The following OR56A3 variants were observed in gnomAD, a reference collection of about 807,000 sequenced individuals.
The protein encoded by OR56A3 is olfactory receptor 56A3.
OR56A3 carries 23 observed loss-of-function variants against 17.5 expected under a neutral mutation model. That is an observed-to-expected ratio of 1.32 (90% CI 0.95 to 1.87). The LOEUF (loss-of-function observed/expected upper bound fraction) is 1.87. OR56A3 is among the 40% of genes most tolerant of loss of function. OR56A3 has a pLI of 0.00. For synonymous variants in OR56A3, 175 were observed against 150.6 expected (o/e 1.16, Z -1.19); for missense variants, 366 against 380.1 (o/e 0.96, Z 0.31).
At chr11:6,019,434 T>C in the OR56A3 span, 1 of 152,166 alleles carries the variant, frequency 6.6e-6, no homozygotes, top group African/African-American at 2.4e-5. Context: ...TAAAGACTTA[T>C]CTGAAACTGG....
At chr11:5,957,296 T>A in the OR56A3 span, among the ~76,000 whole-genome samples, 129 of 152,368 alleles carry the variant, frequency 8.5e-4, no homozygotes, top group African/African-American at 2.9e-3. Context: ...CTTATACTGC[T>A]GCCACATTGT....
the OR56A3 span, among the ~76,000 whole-genome samples, chr11:6,003,715 G>C: frequency 6.6e-6 from 1 of 152,046 alleles, no homozygotes; most frequent in Non-Finnish European, 1.5e-5. Context: ...TTTTTTCCTT[G>C]TCAGTGTTAT....
chr11:5,986,971 G>T, the OR56A3 span: 1 of 1,582,072 alleles, frequency 6.3e-7, no homozygotes, highest in South Asian at 1.2e-5. Context: ...TGTCCAAATG[G>T]GGCAACCATC....
At chr11:5,987,091 C>T in the OR56A3 span, 1 of 656,022 alleles carries the variant, frequency 1.5e-6, no homozygotes, top group South Asian at 2.0e-5. Context: ...GAGACATCCA[C>T]ATGTCTGAAT....
At chr11:5,986,555 A>T in the OR56A3 span, 3 of 1,613,780 alleles carry the variant, frequency 1.9e-6, no homozygotes, top group Non-Finnish European at 2.5e-6. Flanking sequence ...TCCATGGAGG[A>T]GAATGCATGG....
At chr11:6,002,790 A>T in the OR56A3 span, 1 of 1,613,728 alleles carries the variant, frequency 6.2e-7, no homozygotes, top group Non-Finnish European at 8.5e-7. Flanking sequence ...CAGGGAGAGG[A>T]GGCTGAGCAG....
chr11:5,955,605 A>G (rs1233945334), downstream of OR56A3, among the ~76,000 whole-genome samples: 1 of 152,148 alleles, frequency 6.6e-6, no homozygotes, highest in Non-Finnish European at 1.5e-5. Context: ...TTTGACTTGC[A>G]GTTGTATACA....
the OR56A3 span, chr11:5,994,101 C>A: frequency 2.0e-6 from 1 of 490,098 alleles, no homozygotes; most frequent in Non-Finnish European, 4.0e-6. Context: ...CCTGGTGCTG[C>A]CTGTCTGCTT....
the OR56A3 span, among the ~76,000 whole-genome samples, chr11:5,990,581 C>T: frequency 5.9e-5 from 9 of 152,278 alleles, no homozygotes; most frequent in African/African-American, 1.9e-4. Context: ...TCCTCAATCT[C>T]CTTCTTAACA....
chr11:5,959,673 A>C, the OR56A3 span, among the ~76,000 whole-genome samples: 1 of 152,178 alleles, frequency 6.6e-6, no homozygotes, highest in Non-Finnish European at 1.5e-5. Context: ...TTTTTAGTTT[A>C]GTAATACCAT....
chr11:5,997,824 G>A, the OR56A3 span, among the ~76,000 whole-genome samples: 3 of 151,998 alleles, frequency 2.0e-5, no homozygotes, highest in Admixed American at 1.3e-4. Flanking sequence ...TACAAAAATG[G>A]GCTATAAAGC....
At chr11:6,003,171 A>G in the OR56A3 span, 2 of 1,464,282 alleles carry the variant, frequency 1.4e-6, no homozygotes, top group Non-Finnish European at 1.8e-6. Context: ...TTAACCAAGT[A>G]TGTATCATAT....
downstream of OR56A3, among the ~76,000 whole-genome samples, chr11:5,953,710 T>G (rs1847919530): frequency 6.6e-6 from 1 of 152,200 alleles, no homozygotes; most frequent in Non-Finnish European, 1.5e-5. Context: ...ATTTTACTTT[T>G]TCCATAAATT....
At chr11:5,973,472 C>T in the OR56A3 span, among the ~76,000 whole-genome samples, 1 of 152,260 alleles carries the variant, frequency 6.6e-6, no homozygotes, top group East Asian at 1.9e-4. Context: ...AATTCAAGAT[C>T]ATACATACTC....
At chr11:5,974,885 T>C in the OR56A3 span, among the ~76,000 whole-genome samples, 1 of 152,238 alleles carries the variant, frequency 6.6e-6, no homozygotes, top group African/African-American at 2.4e-5. Context: ...GCTGAGCTTA[T>C]AGTAAGCACT....
chr11:6,000,001 T>C, the OR56A3 span: 1 of 152,194 alleles, frequency 6.6e-6, no homozygotes, highest in Non-Finnish European at 1.5e-5. Context: ...AGGAACACTT[T>C]TACACTGTTG....
the OR56A3 span, among the ~76,000 whole-genome samples, chr11:6,008,634 A>G: frequency 2.0e-5 from 3 of 152,038 alleles, no homozygotes; most frequent in Admixed American, 2.0e-4. Flanking sequence ...CATCTGAAAT[A>G]TGAGGATAAT....
chr11:6,011,816 A>G, the OR56A3 span, among the ~76,000 whole-genome samples: 1 of 152,110 alleles, frequency 6.6e-6, no homozygotes, highest in African/African-American at 2.4e-5. Context: ...GGGTCTGGCC[A>G]CTCTGCAGTC....
At chr11:5,961,073 C>T in the OR56A3 span, among the ~76,000 whole-genome samples, 3,342 of 151,834 alleles carry the variant, frequency 0.022, 48 homozygotes, top group South Asian at 0.042. Flanking sequence ...ACCCGGCAGC[C>T]GCCCCATCCG....
Sources: allele counts gnomAD v4.1 joint callset (sites outside exome capture counted in the v4.1 genomes callset), GRCh38; gene constraint gnomAD v4.1.1; transcripts MANE v1.5; gene names NCBI Gene and HGNC (gene_info 2026-07-23, HGNC 2026-07-21).